The following CCDC22 variants were observed in gnomAD, a reference collection of about 807,000 sequenced individuals.
The protein encoded by CCDC22 is CCC complex scaffolding subunit CCDC22.
Under a neutral mutation model 53.1 loss-of-function variants are expected in CCDC22, and 4 were observed. The ratio of observed to expected loss-of-function variants is 0.08; its 90% CI spans 0.04 to 0.17. The LOEUF is 0.17. Among genes scored for constraint, CCDC22 ranks in the 10% least tolerant of loss-of-function variants. CCDC22 has a pLI of 1.00. For synonymous variants in CCDC22, 222 were observed against 224.4 expected (o/e 0.99, Z 0.10); for missense variants, 458 against 554.0 (o/e 0.83, Z 1.74).
At chrX:49,244,218 TCTC>T (rs1400302743) in intron 6 of CCDC22, among the ~76,000 whole-genome samples, 4 of 111,842 alleles carry the variant, frequency 3.6e-5, no homozygotes, top group Admixed American at 9.4e-5. Context: ...TACCTCTCTG[TCTC>T]CTCATTTCTG....
chrX:49,241,609 C>T (rs1161241466), intron 2 of CCDC22, among the ~76,000 whole-genome samples: 1 of 111,093 alleles, frequency 9.0e-6, no homozygotes, highest in Non-Finnish European at 1.9e-5. Flanking sequence ...TCTTTTTGTC[C>T]TGTTTATTTT....
At position 49,249,758 on chromosome X, in the gene CCDC22, C is replaced by T. The variant is rs201558983; in HGVS notation, c.1770+33C>T. On this transcript the variant is annotated intron_variant, in intron 16 of 16. Transcript: ENST00000376227. ...CTGGGGGCAGGATGGGGAGCCAAGG[C>T]GGGCCGGGGGGACAGTTCCTCAGGT... 863 of 1,107,944 alleles carry T rather than the reference C, an allele frequency of 7.8e-4. 7 individuals are homozygous for T. In the East Asian group the frequency reaches 0.017, roughly 22 times the overall value. The allele number at this position is 1,107,944 out of a possible 1,213,427, so 91.3% of individuals were successfully genotyped here.
intron 2 of CCDC22, among the ~76,000 whole-genome samples, chrX:49,240,093 A>G (rs1410589136): frequency 9.3e-6 from 1 of 107,896 alleles, no homozygotes; most frequent in East Asian, 2.9e-4. Context: ...TCTACAAAAA[A>G]TAAAAAAAAA....
intron 2 of CCDC22, among the ~76,000 whole-genome samples, chrX:49,240,663 G>GC (rs1267489958): frequency 1.8e-5 from 2 of 111,611 alleles, no homozygotes; most frequent in Middle Eastern, 4.6e-3. Context: ...TGTCCCTGTA[G>GC]CCCCCCCGCA....
intron 6 of CCDC22, among the ~76,000 whole-genome samples, chrX:49,244,303 CCT>C (rs1445229165): frequency 9.3e-6 from 1 of 107,022 alleles, no homozygotes; most frequent in Non-Finnish European, 1.9e-5. Context: ...TTATCTGTCC[CCT>C]CTTCTTCTCT....
At chrX:49,240,415 G>A (rs2065958147) in intron 2 of CCDC22, among the ~76,000 whole-genome samples, 1 of 110,928 alleles carries the variant, frequency 9.0e-6, no homozygotes, top group Admixed American at 9.6e-5. Flanking sequence ...TTAGCCTGGT[G>A]TGGTGGTGTG....
chrX:49,236,078 A>G (rs1388842205), intron 1 of CCDC22, among the ~76,000 whole-genome samples: 1 of 109,191 alleles, frequency 9.2e-6, no homozygotes, highest in African/African-American at 3.4e-5. Flanking sequence ...GTGCCCTAAG[A>G]ACCAGGGAGC....
In CCDC22 at chrX:49,248,514, T is replaced by C. The variant is rs782023214; in HGVS notation, c.1320T>C (p.Asp440=). Residue 440 remains aspartate, a synonymous_variant, in exon 11 of 17, where the codon GAT becomes GAC. Transcript: ENST00000376227. ...ACCGCCACCTCCGAAAGCTGCAGGA[T>C]TGCAGAGAGGTAAGCAGTGGGGCCC... ...AEYRHLRKLQ[D]CRELESSRRL... 2 of 1,208,722 alleles carry C rather than the reference T, an allele frequency of 1.7e-6. No homozygotes were observed. Among genetic ancestry groups the C allele is most frequent in the Non-Finnish European group, 2.2e-6 (2 of 893,697 alleles).
intron 3 of CCDC22, among the ~76,000 whole-genome samples, chrX:49,242,658 G>C (rs1263116630): frequency 9.0e-6 from 1 of 111,093 alleles, no homozygotes; most frequent in African/African-American, 3.3e-5. Context: ...GGCTCCCTGA[G>C]GGCAGGGACC....
chrX:49,236,778 A>G, intron 1 of CCDC22: 2 of 254,035 alleles, frequency 7.9e-6, no homozygotes, highest in Non-Finnish European at 1.4e-5. Flanking sequence ...ACTATCTGGG[A>G]ACCAAGAAAC....
rs1557112847 is a variant in CCDC22, at chrX:49,237,197, C to T, written c.162C>T (p.Ser54=). ...VINPAVGSGL[S]PLLPLAMSAR... ...ACCCTGCGGTGGGCTCTGGCCTCAG[C>T]CCTCTGCTGCCTCTTGCCATGTCTG... The change falls in exon 2 of 17, where the codon AGC becomes AGT. Residue 54 remains serine (S), a synonymous_variant. Coordinates refer to ENST00000376227, the MANE Select transcript of CCDC22 (RefSeq NM_014008.5). The T allele has an allele frequency of 8.3e-7, 1 of 1,211,669 alleles. No homozygotes were observed. The highest frequency in any genetic ancestry group is 1.1e-6 in the Non-Finnish European group (1 of 895,386).
At position 49,249,699 on chromosome X, in the gene CCDC22, C is replaced by A. The variant is rs201021614; in HGVS notation, c.1744C>A (p.Arg582=). The change falls in exon 16 of 17, where the codon CGG becomes AGG. Residue 582 remains arginine, a synonymous_variant. Coordinates refer to ENST00000376227, the MANE Select transcript of CCDC22 (RefSeq NM_014008.5). ...QTIEDTGTIM[R]EVRDLEEQIE... Reference sequence around the variant, plus strand: ...CATCGAGGACACAGGCACCATCATGCGGGAGGTTCGAGACCTCGAGGAGCA... The same window carrying A: ...CATCGAGGACACAGGCACCATCATGAGGGAGGTTCGAGACCTCGAGGAGCA... 120 of 1,207,732 alleles carry A rather than the reference C, an allele frequency of 9.9e-5. No homozygotes were observed. The highest frequency in any genetic ancestry group is 1.3e-4 in the Non-Finnish European group (120 of 894,378).
Position 49,243,474 on chromosome X carries a change from T to A in CCDC22, c.714+12T>A. 4 of 1,139,208 alleles carry A rather than the reference T, an allele frequency of 3.5e-6. No individual in the cohort carries two copies. The highest frequency in any genetic ancestry group is 3.5e-5 in the African/African-American group (2 of 56,354). 93.9% of individuals were successfully genotyped at this position (1,139,208 alleles called of 1,213,427 possible). ...GCCTCCCACCCCAGGTACAGCCAGA[T>A]GCCTGGCTCCCTGCTGTCTGGGCTG... is the stretch of plus-strand genomic sequence containing the variant. On this transcript the variant is annotated intron_variant, in intron 6 of 16. Transcript: ENST00000376227.
intron 7 of CCDC22, among the ~76,000 whole-genome samples, 197 bp from the exon 8 acceptor site, chrX:49,247,299 A>G (rs1291089594): frequency 1.8e-5 from 2 of 112,483 alleles, no homozygotes; most frequent in Admixed American, 9.4e-5. Context: ...AGGGTCAGGG[A>G]GATTTCTCCA....
intron 2 of CCDC22, among the ~76,000 whole-genome samples, chrX:49,240,094 T>TA (rs1301362227): frequency 1.1e-4 from 11 of 100,816 alleles, no homozygotes; most frequent in Non-Finnish European, 1.8e-4. Flanking sequence ...CTACAAAAAA[T>TA]AAAAAAAAAA....
At chrX:49,245,619 C>T (rs1400419286) in intron 6 of CCDC22, among the ~76,000 whole-genome samples, 1 of 112,185 alleles carries the variant, frequency 8.9e-6, no homozygotes, top group East Asian at 2.8e-4. Context: ...GATCCATCTG[C>T]CTCGGCCTCC....
Position 49,248,228 on chromosome X carries a change from C to A in CCDC22, c.1130C>A (p.Ala377Glu). 8.3e-7 allele frequency: 1 copy of A among 1,205,657 alleles called. No homozygotes were observed. Among genetic ancestry groups the A allele is most frequent in the African/African-American group, 1.7e-5 (1 of 57,619 alleles). The change falls in exon 10 of 17, where the codon GCA becomes GAA. Residue 377 changes from alanine (A) to glutamate (E), a missense_variant. Ala to Glu is a moderately radical substitution (Grantham distance 107, BLOSUM62 -1). Around this residue, in one of 4 missense-constraint regions of CCDC22, gnomAD observed 309 missense variants for 312.3 expected, o/e 0.99. Transcript: ENST00000376227. ...TGCCGGCACAGCAAGCTCAGTACAG[C>A]AGAGCGTGAGCAGGCCCTGCGCCTG... ...SECRHSKLST[A>E]EREQALRLKS...
chrX:49,242,433 G>T, intron 3 of CCDC22: 1 of 457,656 alleles, frequency 2.2e-6, no homozygotes, highest in Non-Finnish European at 2.7e-6. Context: ...CTAACCACTT[G>T]GGCCTCCTGG....
intron 1 of CCDC22, among the ~76,000 whole-genome samples, chrX:49,236,449 C>T (rs185508602): frequency 3.9e-4 from 43 of 110,445 alleles, no homozygotes; most frequent in Non-Finnish European, 6.4e-4. Flanking sequence ...CTCAAGTGAT[C>T]TGCCCGCCTC....
Sources: gnomAD v4.1 joint callset for allele counts (sites outside exome capture counted in the v4.1 genomes callset) on GRCh38, gnomAD v4.1.1 for gene constraint, gnomAD v4.1.1 regional missense constraint, MANE v1.5 for transcripts, NCBI Gene and HGNC (gene_info 2026-07-23, HGNC 2026-07-21) for gene names.